The following ZNF18 variants were observed in gnomAD, a reference collection of about 807,000 sequenced individuals.
ZNF18 encodes the protein zinc finger protein 18.
In ZNF18, 42 loss-of-function variants were observed where a neutral mutation model predicts 58.1. That is an observed-to-expected ratio of 0.72 (90% confidence interval 0.56 to 0.93). The LOEUF is 0.93. ZNF18 is among the 40% of genes least tolerant of loss of function. ZNF18 has a pLI of 0.00. For missense variants in ZNF18, 540 were observed against 644.2 expected, an observed-to-expected ratio of 0.84 and a Z score of 1.75; for synonymous variants, 231 against 239.8, an observed-to-expected ratio of 0.96 and a Z score of 0.34.
chr17:11,983,790 T>C (rs1185821900), intron 5 of ZNF18, among the ~76,000 whole-genome samples: 2 of 152,156 alleles, frequency 1.3e-5, no homozygotes, highest in Non-Finnish European at 2.9e-5. Flanking sequence ...ATGAGCTATG[T>C]GGCAGTGGGT....
At chr17:12,019,057 C>T in the ZNF18 span, among the ~76,000 whole-genome samples, 385 of 152,024 alleles carry the variant, frequency 2.5e-3, 3 homozygotes, top group African/African-American at 8.6e-3. Flanking sequence ...CAGGTTCAAG[C>T]GATTCTCCTG....
At chr17:11,996,901 C>G (rs1339865486) in intron 1 of ZNF18, 1 of 152,244 alleles carries the variant, frequency 6.6e-6, no homozygotes, top group African/African-American at 2.4e-5. Flanking sequence ...GGAGAACTGC[C>G]AACGTCTGGT....
At chr17:11,993,745 A>C (rs1202874359) in intron 1 of ZNF18, 1 of 136,722 alleles carries the variant, frequency 7.3e-6, no homozygotes, top group Admixed American at 8.6e-5. Context: ...AATGGGGTGA[A>C]CCCAGGAGGT....
chr17:12,007,665 T>C, the ZNF18 span, among the ~76,000 whole-genome samples: 2 of 152,186 alleles, frequency 1.3e-5, no homozygotes, highest in African/African-American at 4.8e-5. Context: ...GCCCCATCTG[T>C]CCCTGCTACC....
Position 11,992,842 on chromosome 17 carries a change from C to G in ZNF18, c.-13G>C. The G allele has an allele frequency of 6.2e-7, 1 of 1,604,094 alleles. No individual in the cohort carries two copies. Among genetic ancestry groups the G allele is most frequent in the Non-Finnish European group, 8.5e-7 (1 of 1,176,158 alleles). ...AGTCAACGGGCATTGTCCAGCCTGG[C>G]AAGTCCTTTTAAGTAAAGTGCTTCT... On this transcript the variant is annotated 5_prime_UTR_variant, in exon 2 of 7. Transcript: ENST00000580306.
At chr17:12,014,996 C>T in the ZNF18 span, among the ~76,000 whole-genome samples, 27 of 151,758 alleles carry the variant, frequency 1.8e-4, no homozygotes, top group African/African-American at 5.6e-4. Flanking sequence ...TGCAGTGAGC[C>T]GAGATCAAGC....
chr17:11,990,379 G>T (rs1968028560), intron 4 of ZNF18, 83 bp downstream of exon 4: 11 of 1,204,914 alleles, frequency 9.1e-6, no homozygotes, highest in Non-Finnish European at 1.3e-5. Context: ...CCTCAGGATG[G>T]AGAATGGGGT....
chr17:11,992,969 AACAAATTC>A lies in ZNF18; in HGVS notation c.-82-66_-82-59del, dbSNP rs146664602. 786 of 1,056,820 alleles carry A rather than the reference AACAAATTC, an allele frequency of 7.4e-4. 3 individuals carry two copies. The African/African-American group carries it at 0.011, about 15-fold the overall frequency. 65.5% of individuals were successfully genotyped at this position (1,056,820 alleles called of 1,614,324 possible). ...AGGAAGGGGACACATTTTCAGAAAG[AACAAATTC>A]ACATGCCCTACCCGAGAAGCCATGG... On this transcript the variant is annotated intron_variant, in intron 1 of 6. Coordinates refer to ENST00000580306, the MANE Select transcript of ZNF18 (RefSeq NM_001303281.2).
the ZNF18 span, among the ~76,000 whole-genome samples, chr17:12,006,003 G>C: frequency 6.6e-6 from 1 of 151,942 alleles, no homozygotes; most frequent in African/African-American, 2.4e-5. Context: ...GACTCACATG[G>C]AGGGCATGTT....
At chr17:11,984,039 A>G (rs1192539785) in intron 5 of ZNF18, 74 bp downstream of exon 5, 9 of 1,399,808 alleles carry the variant, frequency 6.4e-6, no homozygotes, top group South Asian at 1.3e-5. Flanking sequence ...AGATGTCTCT[A>G]TAAGTGCATG....
At position 11,992,887 on chromosome 17, in the gene ZNF18, C is replaced by A; in HGVS notation, c.-58G>T. The stretch of plus-strand genomic sequence containing the variant: ...GCTTCTGCAGTGGAATTGTCTCCGG[C>A]AAGAACTAGGTCTTCACCAGGACAC... On this transcript the variant is annotated 5_prime_UTR_variant, in exon 2 of 7. Transcript: ENST00000580306. 1 of 1,552,246 alleles carries A rather than the reference C, an allele frequency of 6.4e-7. No individual in the cohort carries two copies. Among genetic ancestry groups the A allele is most frequent in the Non-Finnish European group, 8.7e-7 (1 of 1,153,340 alleles).
rs756069184 is a variant in ZNF18 at position 11,978,288 on chromosome 17, A to T, written c.1319T>A (p.Ile440Asn). 6 of 1,606,260 alleles carry T rather than the reference A, an allele frequency of 3.7e-6. No individual in the cohort carries two copies. Among genetic ancestry groups the T allele is most frequent in the East Asian group, 4.5e-5 (2 of 44,828 alleles). The change falls in exon 7 of 7, where the codon ATC becomes AAC. Residue 440 changes from isoleucine to asparagine, a missense_variant. Ile to Asn is a moderately radical substitution (Grantham distance 149, BLOSUM62 -3). Coordinates refer to ENST00000580306, the MANE Select transcript of ZNF18 (RefSeq NM_001303281.2). ...ACTCCGCAGAAAGGCTTTTTTGCAGATGGTGCACTGAAAGTATGTCTCTCC... is the reference window on the plus strand; with the variant it reads ...ACTCCGCAGAAAGGCTTTTTTGCAGTTGGTGCACTGAAAGTATGTCTCTCC... The part of the protein sequence containing the change: ...HTGETYFQCT[I>N]CKKAFLRSSD...
intron 3 of ZNF18, 136 bp downstream of exon 3, chr17:11,990,838 T>C: frequency 1.0e-6 from 1 of 1,000,534 alleles, no homozygotes; most frequent in Non-Finnish European, 1.5e-6. Context: ...ACAAGAGCGG[T>C]TTATTTAGGT....
At chr17:12,008,434 A>C in the ZNF18 span, among the ~76,000 whole-genome samples, 2 of 152,102 alleles carry the variant, frequency 1.3e-5, no homozygotes, top group African/African-American at 4.8e-5. Flanking sequence ...TCTTGGGCTC[A>C]AGGGATCCTC....
chr17:12,008,662 T>G, the ZNF18 span, among the ~76,000 whole-genome samples: 2 of 152,312 alleles, frequency 1.3e-5, no homozygotes, highest in East Asian at 3.9e-4. Context: ...GCTGGGGATG[T>G]CTGAAGACTT....
At chr17:11,981,530 C>CTTTTT (rs34496641) in intron 6 of ZNF18, among the ~76,000 whole-genome samples, 1 of 93,502 alleles carries the variant, frequency 1.1e-5, no homozygotes, top group African/African-American at 4.5e-5. Flanking sequence ...CCTATAATAG[C>CTTTTT]TTTTTTTTTT....
chr17:11,999,489 C>A (rs1305003828), upstream of ZNF18, among the ~76,000 whole-genome samples: 3 of 152,188 alleles, frequency 2.0e-5, no homozygotes, highest in Non-Finnish European at 1.5e-5. Flanking sequence ...TATTTCGAAA[C>A]AGGCTGAACA....
chr17:12,004,607 G>A, the ZNF18 span, among the ~76,000 whole-genome samples: 1 of 152,086 alleles, frequency 6.6e-6, no homozygotes, highest in Admixed American at 6.6e-5. Flanking sequence ...TGCGTTTATG[G>A]CCGGGCACGG....
At chr17:11,999,239 C>T (rs1219164682), upstream of ZNF18, among the ~76,000 whole-genome samples, 1 of 152,210 alleles carries the variant, frequency 6.6e-6, no homozygotes, top group Non-Finnish European at 1.5e-5. Context: ...TGGGTTCTGA[C>T]TCCTTTGTGA....
Sources: gnomAD v4.1 joint callset for allele counts (sites outside exome capture counted in the v4.1 genomes callset) on GRCh38, gnomAD v4.1.1 for gene constraint, MANE v1.5 for transcripts, NCBI Gene and HGNC (gene_info 2026-07-23, HGNC 2026-07-21) for gene names.